LRRTM4: variants seen among roughly 807,000 people sequenced by gnomAD.
LRRTM4 encodes leucine rich repeat transmembrane neuronal 4.
A neutral mutation model predicts 47.6 loss-of-function variants in LRRTM4; 25 were observed. The observed-to-expected ratio is 0.53, with a 90% CI of 0.38 to 0.73. The LOEUF is 0.73. LRRTM4 is among the 30% of genes least tolerant of loss of function. The pLI is 0.00. For missense variants in LRRTM4, 638 were observed against 713.4 expected (o/e 0.89, Z 1.20); for synonymous variants, 311 against 269.5 (o/e 1.15, Z -1.51).
chr2:77,336,398 TTACCAAAATTA>T (rs1449901063), intron 3 of LRRTM4, among the ~76,000 whole-genome samples: 2 of 152,024 alleles, frequency 1.3e-5, no homozygotes, highest in African/African-American at 4.8e-5. Context: ...TCATAATTTT[TTACCAAAATTA>T]TAGTTTTAAA....
chr2:77,105,024 C>A (rs2103919696), intron 3 of LRRTM4, among the ~76,000 whole-genome samples: 1 of 151,056 alleles, frequency 6.6e-6, no homozygotes, highest in African/African-American at 2.4e-5. Context: ...TTTGAGAATT[C>A]TTCAATGAGC....
intron 3 of LRRTM4, among the ~76,000 whole-genome samples, chr2:77,023,308 G>C (rs1265190650): frequency 1.3e-5 from 2 of 152,182 alleles, no homozygotes; most frequent in Non-Finnish European, 2.9e-5. Context: ...GGTCTGTGAT[G>C]GGAGAGGCTG....
intron 3 of LRRTM4, among the ~76,000 whole-genome samples, chr2:77,253,926 A>C (rs1675691303): frequency 1.3e-5 from 2 of 152,210 alleles, no homozygotes; most frequent in African/African-American, 4.8e-5. Context: ...AAAATAGAGA[A>C]GAGTTGAAAA....
At chr2:76,951,828 G>A (rs544364524) in intron 3 of LRRTM4, among the ~76,000 whole-genome samples, 1 of 151,050 alleles carries the variant, frequency 6.6e-6, no homozygotes, top group African/African-American at 2.4e-5. Context: ...TCCCCTCCCT[G>A]TGTCCATGTG....
At chr2:76,784,737 C>T (rs1395368927) in intron 3 of LRRTM4, among the ~76,000 whole-genome samples, 1 of 151,958 alleles carries the variant, frequency 6.6e-6, no homozygotes, top group East Asian at 1.9e-4. Context: ...TTATAAAATA[C>T]CGTAACTGTG....
intron 3 of LRRTM4, among the ~76,000 whole-genome samples, chr2:77,430,068 C>CA (rs911997273): frequency 0.013 from 1,831 of 137,688 alleles, 30 homozygotes; most frequent in African/African-American, 0.04. Flanking sequence ...GGCTGTGTCT[C>CA]AAAAAAAAAA....
chr2:77,462,013 C>G (rs936002714), intron 3 of LRRTM4, among the ~76,000 whole-genome samples: 1 of 152,102 alleles, frequency 6.6e-6, no homozygotes, highest in Non-Finnish European at 1.5e-5. Flanking sequence ...TGAATGCAAA[C>G]TGAGAACAAC....
At chr2:77,511,326 TGTTA>T (rs1334019642) in intron 3 of LRRTM4, among the ~76,000 whole-genome samples, 1 of 152,048 alleles carries the variant, frequency 6.6e-6, no homozygotes, top group African/African-American at 2.4e-5. Flanking sequence ...TCAGTATACA[TGTTA>T]GTATTTTAGA....
chr2:76,821,831 C>A (rs1302049008), intron 3 of LRRTM4, among the ~76,000 whole-genome samples: 1 of 151,498 alleles, frequency 6.6e-6, no homozygotes, highest in African/African-American at 2.4e-5. Context: ...AGCAGTCTTG[C>A]CAAAATGGAA....
intron 3 of LRRTM4, among the ~76,000 whole-genome samples, chr2:77,196,608 G>C (rs1219902524): frequency 6.6e-6 from 1 of 152,112 alleles, no homozygotes; most frequent in Non-Finnish European, 1.5e-5. Context: ...GCCGGGTATG[G>C]TAGCAGGCAC....
chr2:76,996,282 C>T (rs1050045082), intron 3 of LRRTM4, among the ~76,000 whole-genome samples: 3 of 151,946 alleles, frequency 2.0e-5, no homozygotes, highest in Admixed American at 1.3e-4. Flanking sequence ...ATATCAAAAG[C>T]TCATGAATTT....
chr2:77,391,196 T>C (rs1478171018), intron 3 of LRRTM4, among the ~76,000 whole-genome samples: 1 of 152,022 alleles, frequency 6.6e-6, no homozygotes, highest in East Asian at 1.9e-4. Flanking sequence ...TATAACTTTA[T>C]ATTCTTTATT....
At chr2:77,073,350 T>C (rs895343772) in intron 3 of LRRTM4, among the ~76,000 whole-genome samples, 2 of 152,114 alleles carry the variant, frequency 1.3e-5, no homozygotes, top group Non-Finnish European at 2.9e-5. Context: ...ATCCAATTCT[T>C]CTTACTTAGT....
At chr2:77,429,072 A>G (rs2103900278) in intron 3 of LRRTM4, among the ~76,000 whole-genome samples, 1 of 152,318 alleles carries the variant, frequency 6.6e-6, no homozygotes, top group Non-Finnish European at 1.5e-5. Flanking sequence ...AAGTGGGAGT[A>G]CACAGTAAAT....
intron 3 of LRRTM4, among the ~76,000 whole-genome samples, chr2:77,223,974 A>G (rs1046829188): frequency 6.6e-6 from 1 of 152,118 alleles, no homozygotes; most frequent in African/African-American, 2.4e-5. Flanking sequence ...ACAAGGCTAC[A>G]GTAACCAAAA....
Position 77,232,276 on chromosome 2 carries a change from C to A in LRRTM4, c.1551+286042G>T, listed in dbSNP as rs1439396914. On this transcript the variant is annotated intron_variant, in intron 3 of 3. Coordinates refer to ENST00000409884, the MANE Select transcript of LRRTM4 (RefSeq NM_001134745.3). ...TTCCCAAGTCATCAACATCTTTATT[C>A]CTTTATTATTTAATTTTAAAGAACA... Among the ~76,000 whole-genome samples the A allele has an allele frequency of 1.8e-4, 27 of 152,146 alleles. 1 individual carries two copies. Among genetic ancestry groups the A allele is most frequent in the Non-Finnish European group, 1.5e-5 (1 of 68,014 alleles).
At chr2:77,427,652 C>T (rs1675175734) in intron 3 of LRRTM4, among the ~76,000 whole-genome samples, 1 of 152,114 alleles carries the variant, frequency 6.6e-6, no homozygotes, top group African/African-American at 2.4e-5. Flanking sequence ...CATGTATTTT[C>T]ACCTTAAAAT....
At chr2:77,100,207 A>G (rs906123467) in intron 3 of LRRTM4, among the ~76,000 whole-genome samples, 8 of 152,140 alleles carry the variant, frequency 5.3e-5, no homozygotes, top group African/African-American at 1.9e-4. Flanking sequence ...TTTTTCAGGA[A>G]TTTAAACCAA....
At chr2:77,209,124 T>A (rs72809109) in intron 3 of LRRTM4, among the ~76,000 whole-genome samples, 1 of 152,262 alleles carries the variant, frequency 6.6e-6, no homozygotes, top group Non-Finnish European at 1.5e-5. Context: ...AGGACTTAAG[T>A]AATTAAGACT....
Sources: gnomAD v4.1 joint callset for allele counts (sites outside exome capture counted in the v4.1 genomes callset) on GRCh38, gnomAD v4.1.1 for gene constraint, MANE v1.5 for transcripts, NCBI Gene and HGNC (gene_info 2026-07-23, HGNC 2026-07-21) for gene names.